The following LMBR1 variants were observed in gnomAD, a reference collection of about 807,000 sequenced individuals.
LMBR1 encodes limb region 1 protein homolog.
Under a neutral mutation model 73.9 loss-of-function variants are expected in LMBR1, and 52 were observed. The observed-to-expected ratio is 0.70, with a 90% CI of 0.56 to 0.89. The LOEUF is 0.89. Ranked by LOEUF, LMBR1 falls within the 40% of genes least tolerant of loss-of-function variation. The pLI, the probability that LMBR1 is intolerant of heterozygous loss-of-function variation, is 0.00. For missense variants in LMBR1, 539 were observed against 579.8 expected (o/e 0.93, Z 0.72); for synonymous variants, 215 against 209.4 (o/e 1.03, Z -0.23).
intron 15 of LMBR1, among the ~76,000 whole-genome samples, chr7:156,693,308 TAA>T (rs535740200): frequency 1.3e-3 from 201 of 151,882 alleles, no homozygotes; most frequent in African/African-American, 4.0e-3. Context: ...AAGAAAATAA[TAA>T]AGACTGAAGC....
intron 3 of LMBR1, among the ~76,000 whole-genome samples, chr7:156,830,250 G>C (rs1189871097): frequency 6.6e-6 from 1 of 151,872 alleles, no homozygotes; most frequent in South Asian, 2.1e-4. Context: ...TTTATTTGTA[G>C]TTATCAATAA....
At chr7:156,889,098 C>T (rs1195181686) in intron 1 of LMBR1, among the ~76,000 whole-genome samples, 2 of 151,444 alleles carry the variant, frequency 1.3e-5, no homozygotes, top group Non-Finnish European at 2.9e-5. Context: ...CATGCTACAA[C>T]ACAGGTGAAC....
At chr7:156,755,549 T>A (rs1821709798) in intron 9 of LMBR1, among the ~76,000 whole-genome samples, 1 of 152,214 alleles carries the variant, frequency 6.6e-6, no homozygotes, top group Admixed American at 6.5e-5. Flanking sequence ...AGCATGATTA[T>A]CCAAATAAGA....
chr7:156,846,932 A>T (rs879920998), intron 1 of LMBR1, among the ~76,000 whole-genome samples: 2 of 152,200 alleles, frequency 1.3e-5, no homozygotes, highest in Admixed American at 6.5e-5. Flanking sequence ...ACATGCACTG[A>T]AACATCACAC....
intron 5 of LMBR1, among the ~76,000 whole-genome samples, chr7:156,775,499 T>G (rs991490335): frequency 1.2e-4 from 18 of 152,210 alleles, no homozygotes; most frequent in African/African-American, 4.1e-4. Context: ...ATGAATGAAT[T>G]ATTATACTTC....
At chr7:156,671,416 CG>C in intron 4 of LMBR1, among the ~76,000 whole-genome samples, 1 of 152,082 alleles carries the variant, frequency 6.6e-6, no homozygotes, top group Non-Finnish European at 1.5e-5. Flanking sequence ...TGATACCTGA[CG>C]AAAGAGATTC....
rs117945226 is a variant in LMBR1 at position 156,744,549 on chromosome 7, T to C, written c.758-10292A>G. On this transcript the variant is annotated intron_variant, in intron 9 of 16. Coordinates refer to ENST00000353442, the MANE Select transcript of LMBR1 (RefSeq NM_022458.4). Reference sequence around the variant, plus strand: ...CTTTTCTCTCCTTTTAGATGCCTATTATTTACATTCAGTATCTTAGCTCTG... The same window carrying C: ...CTTTTCTCTCCTTTTAGATGCCTATCATTTACATTCAGTATCTTAGCTCTG... Among the ~76,000 whole-genome samples, 111 of 152,322 alleles carry C rather than the reference T, an allele frequency of 7.3e-4. No homozygotes were observed. The East Asian group carries it at 0.02, about 27-fold the overall frequency.
intron 3 of LMBR1, among the ~76,000 whole-genome samples, chr7:156,827,484 A>G (rs1019173690): frequency 5.9e-5 from 9 of 152,180 alleles, no homozygotes; most frequent in African/African-American, 1.9e-4. Flanking sequence ...ATAACATGTA[A>G]CAATCCCATA....
intron 5 of LMBR1, among the ~76,000 whole-genome samples, chr7:156,777,868 G>A (rs1353520141): frequency 1.3e-5 from 2 of 152,022 alleles, no homozygotes; most frequent in East Asian, 1.9e-4. Context: ...AGATACTTTG[G>A]AAACACCCTT....
intron 4 of LMBR1, among the ~76,000 whole-genome samples, chr7:156,798,024 T>C (rs1237611729): frequency 3.3e-5 from 5 of 152,128 alleles, no homozygotes; most frequent in Non-Finnish European, 7.3e-5. Flanking sequence ...AAGAGTATAA[T>C]TAGAGTCAAT....
At chr7:156,781,965 T>C (rs974978962) in intron 5 of LMBR1, among the ~76,000 whole-genome samples, 1 of 152,228 alleles carries the variant, frequency 6.6e-6, no homozygotes, top group Non-Finnish European at 1.5e-5. Context: ...TGAAACTCTG[T>C]ACCCATTAAA....
chr7:156,879,632 C>T (rs1334190942), intron 1 of LMBR1, among the ~76,000 whole-genome samples: 1 of 142,440 alleles, frequency 7.0e-6, no homozygotes, highest in African/African-American at 2.6e-5. Context: ...CCACTGCACT[C>T]CAGCCTGGGT....
At chr7:156,761,906 G>T (rs1051911641) in intron 8 of LMBR1, among the ~76,000 whole-genome samples, 2 of 149,956 alleles carry the variant, frequency 1.3e-5, no homozygotes, top group Non-Finnish European at 3.0e-5. Flanking sequence ...GAACCCAGGG[G>T]GCGGAGCCTG....
intron 1 of LMBR1, among the ~76,000 whole-genome samples, chr7:156,866,912 T>C (rs1033798547): frequency 6.6e-6 from 1 of 152,116 alleles, no homozygotes; most frequent in African/African-American, 2.4e-5. Context: ...TCTTATGAGT[T>C]TTTAGAAGAT....
intron 2 of LMBR1, chr7:156,834,480 G>A (rs1050497633): frequency 3.0e-5 from 8 of 267,990 alleles, no homozygotes; most frequent in Non-Finnish European, 5.9e-5. Flanking sequence ...GCACATGCCT[G>A]TAGTGCAGGA....
chr7:156,764,951 T>G (rs1175312785), intron 5 of LMBR1, among the ~76,000 whole-genome samples: 1 of 152,186 alleles, frequency 6.6e-6, no homozygotes, highest in East Asian at 1.9e-4. Flanking sequence ...TTTGGCAAGT[T>G]TAAAACACTT....
rs1805382465 is a variant in LMBR1 at position 156,683,364 on chromosome 7, A to C, written c.*714T>G. 6.6e-6 allele frequency: 1 copy of C among 152,658 alleles called. No homozygotes were observed. The allele number at this position is 152,658 out of a possible 1,614,324, so 9.5% of individuals were successfully genotyped here. A position where few individuals can be genotyped will look rare whatever the true frequency, so the allele number is the denominator to read the frequency against. ...TTATATATATACATAAACTGTCATT[A>C]AACTGTGATTACATGATACTTCCTA... On this transcript the variant is annotated 3_prime_UTR_variant, in exon 17 of 17. Coordinates refer to ENST00000353442, the MANE Select transcript of LMBR1 (RefSeq NM_022458.4).
chr7:156,878,913 T>C (rs1003573482), intron 1 of LMBR1, among the ~76,000 whole-genome samples: 4 of 152,132 alleles, frequency 2.6e-5, no homozygotes, highest in African/African-American at 4.8e-5. Flanking sequence ...TACAGCCAAC[T>C]GATCTTTAAC....
chr7:156,713,485 G>T (rs188115892), intron 15 of LMBR1, among the ~76,000 whole-genome samples: 2 of 152,240 alleles, frequency 1.3e-5, no homozygotes, highest in African/African-American at 4.8e-5. Context: ...TCTGCATGTG[G>T]GGGACAGGAG....
Sources: allele counts gnomAD v4.1 joint callset (sites outside exome capture counted in the v4.1 genomes callset), GRCh38; gene constraint gnomAD v4.1.1; transcripts MANE v1.5; gene names NCBI Gene and HGNC (gene_info 2026-07-23, HGNC 2026-07-21).